The following PCDHA6 variants were observed in gnomAD, a reference collection of about 807,000 sequenced individuals.
PCDHA6 encodes protocadherin alpha-6.
In PCDHA6, 55 loss-of-function variants were observed where a neutral mutation model predicts 60.3. That is an observed-to-expected ratio of 0.91 (90% CI 0.73 to 1.14). PCDHA6 has a LOEUF of 1.14. PCDHA6 is among the 50% of genes most tolerant of loss of function. The pLI is 0.00. For synonymous variants in PCDHA6, 652 were observed against 557.9 expected, an observed-to-expected ratio of 1.17 and a Z score of -2.38; for missense variants, 1,327 against 1,256.5, an observed-to-expected ratio of 1.06 and a Z score of -0.85.
intron 1 of PCDHA6, chr5:140,967,210 C>T (rs146322183): frequency 1.4e-4 from 231 of 1,613,674 alleles, no homozygotes; most frequent in Admixed American, 5.0e-4. Flanking sequence ...CACCGCGTTT[C>T]CCGCGGCCCA....
chr5:140,857,783 C>T lies in PCDHA6; in HGVS notation c.2394+27298C>T, dbSNP rs782463412. 1.5e-5 allele frequency: 24 copies of T among 1,597,710 alleles called. No individual in the cohort carries two copies. The East Asian group carries it at 4.7e-4, about 31-fold the overall frequency. ...CAGCGCGGGCGGTGCAGTCAGTGAG[C>T]TGGTGCTGCGGTCGGTGGTTGCGGG... is the stretch of plus-strand genomic sequence containing the variant. On this transcript the variant is annotated intron_variant, in intron 1 of 3. Transcript: ENST00000529310.
chr5:140,858,334 GC>G, intron 1 of PCDHA6: 1 of 1,595,814 alleles, frequency 6.3e-7, no homozygotes, highest in Admixed American at 1.7e-5. Flanking sequence ...GGGAGGGCCT[GC>G]CCAAGGCGGA....
rs2150153132 is a variant in PCDHA6, at chr5:140,828,254, G to A, written c.163G>A (p.Glu55Lys). ...CCGGATCGCGCAGGACCTGGGGCTG[G>A]AGCTGGCGGAGCTGGTGCCGCGCCT... ...VGRIAQDLGL[E>K]LAELVPRLFR... Residue 55 changes from glutamate to lysine, a missense_variant, in exon 1 of 4, where the codon GAG becomes AAG. By Grantham distance (56) the Glu-to-Lys change is moderately conservative. Transcript: ENST00000529310. 5 of 1,613,996 alleles carry A rather than the reference G, an allele frequency of 3.1e-6. No homozygotes were observed. In the Admixed American group the frequency reaches 8.3e-5, roughly 27 times the overall value.
chr5:140,990,155 G>A (rs1483856647), intron 3 of PCDHA6, among the ~76,000 whole-genome samples: 2 of 152,076 alleles, frequency 1.3e-5, no homozygotes, highest in Admixed American at 6.5e-5. Context: ...ATAATAGAAA[G>A]TTAGGGTATG....
chr5:140,918,633 A>G (rs2078785997), intron 1 of PCDHA6, among the ~76,000 whole-genome samples: 1 of 152,242 alleles, frequency 6.6e-6, no homozygotes, highest in Non-Finnish European at 1.5e-5. Flanking sequence ...CCCCAAATTC[A>G]TAAATTGAAA....
chr5:140,868,901 C>T lies in PCDHA6; in HGVS notation c.2394+38416C>T, dbSNP rs1408967625. 6 of 828,816 alleles carry T rather than the reference C, an allele frequency of 7.2e-6. No homozygotes were observed. In the African/African-American group the frequency reaches 1.0e-4, roughly 14 times the overall value. The allele number at this position is 828,816 out of a possible 1,614,324, so 51.3% of individuals were successfully genotyped here. ...TCACAGTTTTAGGCGCAAGGTGTCG[C>T]TCTTTACTTGGTGGAAAGTTCATTT... On this transcript the variant is annotated intron_variant, in intron 1 of 3. Transcript: ENST00000529310.
chr5:140,959,795 T>G (rs2095511248), intron 1 of PCDHA6, among the ~76,000 whole-genome samples: 1 of 152,180 alleles, frequency 6.6e-6, no homozygotes, highest in Non-Finnish European at 1.5e-5. Flanking sequence ...CATGGCTAAT[T>G]TAGAGGATTT....
intron 1 of PCDHA6, among the ~76,000 whole-genome samples, chr5:140,953,010 G>C (rs116014174): frequency 0.016 from 2,468 of 152,152 alleles, 61 homozygotes; most frequent in African/African-American, 0.055. Flanking sequence ...ACTATTATGA[G>C]AACAACATTA....
intron 1 of PCDHA6, chr5:140,851,418 C>G: frequency 1.0e-6 from 1 of 958,736 alleles, no homozygotes; most frequent in South Asian, 4.8e-5. Flanking sequence ...AGAAACTTCC[C>G]CTAAACTTTA....
intron 1 of PCDHA6, among the ~76,000 whole-genome samples, chr5:140,937,615 T>TCAAAAAAAAAAAAAAAAAAAAAAAAA (rs1472779704): frequency 4.0e-5 from 6 of 149,436 alleles, no homozygotes; most frequent in African/African-American, 1.5e-4. Flanking sequence ...ATACTCCATC[T>TCAAAAAAAAAAAAAAAAAAAAAAAAA]AAAAAGAAAA....
At chr5:140,961,458 G>A (rs1371131275) in intron 1 of PCDHA6, among the ~76,000 whole-genome samples, 2 of 152,150 alleles carry the variant, frequency 1.3e-5, no homozygotes, top group Non-Finnish European at 2.9e-5. Context: ...TCTTGCAGCT[G>A]CCTTTCTTTT....
chr5:141,003,167 C>T (rs1160809977), intron 3 of PCDHA6, among the ~76,000 whole-genome samples: 1 of 152,180 alleles, frequency 6.6e-6, no homozygotes, highest in Non-Finnish European at 1.5e-5. Context: ...AATCCTAGTC[C>T]CTGAGGCTCA....
intron 1 of PCDHA6, chr5:140,877,239 C>T (rs2056959197): frequency 1.9e-6 from 3 of 1,613,668 alleles, no homozygotes; most frequent in Middle Eastern, 1.7e-4. Context: ...GTGCGGGCCA[C>T]GTGGTGGCGA....
In PCDHA6 at chr5:140,835,824, G is replaced by A. The variant is rs2150245957; in HGVS notation, c.2394+5339G>A. 5 of 1,612,592 alleles carry A rather than the reference G, an allele frequency of 3.1e-6. No individual in the cohort carries two copies. The South Asian group carries it at 4.4e-5, about 14-fold the overall frequency. On this transcript the variant is annotated intron_variant, in intron 1 of 3. Transcript: ENST00000529310. ...CCACATCTTCACTGTGTCGGCGGGG[G>A]ACGCGGACGCGCAGAAGAACGCGCT...
intron 1 of PCDHA6, chr5:140,843,356 T>G (rs1228911692): frequency 1.3e-6 from 2 of 1,595,866 alleles, no homozygotes; most frequent in Non-Finnish European, 1.7e-6. Context: ...TCCAAAAGCG[T>G]CATCGAGGCA....
At chr5:140,858,645 T>C (rs2045537080) in intron 1 of PCDHA6, 1 of 818,880 alleles carries the variant, frequency 1.2e-6, no homozygotes, top group Non-Finnish European at 1.9e-6. Context: ...TGATTGGTAC[T>C]TAAATTTTTT....
chr5:141,007,981 T>C (rs1346324109), intron 3 of PCDHA6, among the ~76,000 whole-genome samples: 1 of 152,260 alleles, frequency 6.6e-6, no homozygotes, highest in African/African-American at 2.4e-5. Context: ...GTCATGTATA[T>C]ATGAAATGTA....
intron 1 of PCDHA6, among the ~76,000 whole-genome samples, chr5:140,913,735 G>A (rs1416656981): frequency 6.6e-6 from 1 of 151,834 alleles, no homozygotes; most frequent in Non-Finnish European, 1.5e-5. Context: ...CCCTCTAATA[G>A]TACTCCTTTT....
At chr5:141,008,707 T>C (rs1255261995) in intron 3 of PCDHA6, among the ~76,000 whole-genome samples, 1 of 152,216 alleles carries the variant, frequency 6.6e-6, no homozygotes, top group Non-Finnish European at 1.5e-5. Flanking sequence ...TGGTTTCTAG[T>C]TGCTTGAGTG....
Sources: allele counts gnomAD v4.1 joint callset (sites outside exome capture counted in the v4.1 genomes callset), GRCh38; gene constraint gnomAD v4.1.1; transcripts MANE v1.5; gene names NCBI Gene and HGNC (gene_info 2026-07-23, HGNC 2026-07-21).